Variants in JMJD1C observed in about 807,000 individuals in gnomAD.
The protein encoded by JMJD1C is jumonji domain-containing protein 1C.
A neutral mutation model predicts 245.3 loss-of-function variants in JMJD1C; 31 were observed. That is an observed-to-expected ratio of 0.13 (90% CI 0.09 to 0.17). The LOEUF (loss-of-function observed/expected upper bound fraction) is 0.17, where lower values mean the gene tolerates loss of function less well. Ranked by LOEUF, JMJD1C falls within the 10% of genes least tolerant of loss-of-function variation. JMJD1C has a pLI of 1.00. For missense variants in JMJD1C, 2,691 were observed against 3,000.2 expected (o/e 0.90, Z 2.41); for synonymous variants, 1,057 against 1,017.4 (o/e 1.04, Z -0.74).
rs777467757 is a variant in JMJD1C at position 63,189,458 on chromosome 10, A to C, written c.6292-12T>G. 6.4e-7 allele frequency: 1 copy of C among 1,574,232 alleles called. No individual in the cohort carries two copies. The highest frequency in any genetic ancestry group is 1.2e-5 in the South Asian group (1 of 84,560). ...CCACTTTTGCTACTCTATTAAGGAA[A>C]AAACAAAACAAAAAAAACCTGTTTT... On this transcript the variant is annotated splice_polypyrimidine_tract_variant and intron_variant, in intron 17 of 25. Coordinates refer to ENST00000399262, the MANE Select transcript of JMJD1C (RefSeq NM_032776.3).
chr10:63,339,980 A>G (rs1238448024), intron 2 of JMJD1C, among the ~76,000 whole-genome samples: 1 of 152,138 alleles, frequency 6.6e-6, no homozygotes, highest in Non-Finnish European at 1.5e-5. Flanking sequence ...GAAATGCTTG[A>G]ACCCAGGAGG....
intron 1 of JMJD1C, among the ~76,000 whole-genome samples, chr10:63,400,395 A>G (rs756015855): frequency 6.6e-6 from 1 of 152,066 alleles, no homozygotes; most frequent in Non-Finnish European, 1.5e-5. Flanking sequence ...AGTCTCACCA[A>G]TTGGGTGTGT....
intron 2 of JMJD1C, among the ~76,000 whole-genome samples, chr10:63,327,750 C>T (rs1178184281): frequency 2.6e-5 from 4 of 151,912 alleles, no homozygotes; most frequent in Non-Finnish European, 1.5e-5. Context: ...CTCACTGCAA[C>T]CTCCACCTCC....
In JMJD1C at chr10:63,378,888, A is replaced by C. The variant is rs185979349; in HGVS notation, c.333+1430T>G. On this transcript the variant is annotated intron_variant, in intron 2 of 25. Transcript: ENST00000399262. ...CATTAAATATTTTTTAAAACCTACT[A>C]TGGATAAAATTATCTTCTTTAGTTT... Among the ~76,000 whole-genome samples, 689 of 152,230 alleles carry C rather than the reference A, an allele frequency of 4.5e-3. 2 individuals carry two copies. The highest frequency in any genetic ancestry group is 6.7e-3 in the Non-Finnish European group (456 of 68,002).
At chr10:63,209,962 TTTG>T (rs1382898537) in intron 8 of JMJD1C, among the ~76,000 whole-genome samples, 1 of 152,216 alleles carries the variant, frequency 6.6e-6, no homozygotes, top group Non-Finnish European at 1.5e-5. Flanking sequence ...GTTTTATGAA[TTTG>T]TTAATAGGAT....
At chr10:63,212,539 G>A (rs1187423941) in intron 8 of JMJD1C, among the ~76,000 whole-genome samples, 1 of 152,096 alleles carries the variant, frequency 6.6e-6, no homozygotes, top group Non-Finnish European at 1.5e-5. Context: ...GAATGAACAA[G>A]AGCCTTATAC....
At position 63,404,759 on chromosome 10, in the gene JMJD1C, A is replaced by T. The variant is rs555219326; in HGVS notation, c.169-24277T>A. The stretch of plus-strand genomic sequence containing the variant: ...AGCCAAGGGTGACAACATAGTAATT[A>T]GGGAAGGAGGATAAAGAGAAGCAAT... On this transcript the variant is annotated intron_variant, in intron 1 of 25. Coordinates refer to ENST00000399262, the MANE Select transcript of JMJD1C (RefSeq NM_032776.3). 1.1e-4 allele frequency among the ~76,000 whole-genome samples: 17 copies of T among 152,350 alleles called. No individual in the cohort carries two copies. The South Asian group carries it at 3.3e-3, about 30-fold the overall frequency.
intron 2 of JMJD1C, among the ~76,000 whole-genome samples, chr10:63,280,948 CT>C (rs1857303916): frequency 6.6e-6 from 1 of 151,552 alleles, no homozygotes; most frequent in African/African-American, 2.4e-5. Context: ...CCATGGGATC[CT>C]TTACCTCTTT....
At chr10:63,519,763 G>C (rs1202592199) in intron 1 of JMJD1C, among the ~76,000 whole-genome samples, 2 of 152,208 alleles carry the variant, frequency 1.3e-5, no homozygotes, top group Non-Finnish European at 2.9e-5. Flanking sequence ...CACTGAGCAT[G>C]AAAATACAGG....
At chr10:63,440,347 A>AT (rs1397389630) in intron 1 of JMJD1C, among the ~76,000 whole-genome samples, 5 of 70,244 alleles carry the variant, frequency 7.1e-5, no homozygotes, top group South Asian at 5.3e-4. Context: ...AAAGAAAAAA[A>AT]AAAAAAATAT....
At chr10:63,252,774 C>T (rs977497859) in intron 3 of JMJD1C, among the ~76,000 whole-genome samples, 1 of 152,174 alleles carries the variant, frequency 6.6e-6, no homozygotes, top group East Asian at 1.9e-4. Context: ...TCAGCTGATT[C>T]TATACTACAA....
intron 8 of JMJD1C, 65 bp from the exon 9 acceptor site, chr10:63,209,300 G>T: frequency 7.3e-7 from 1 of 1,364,134 alleles, no homozygotes; most frequent in Non-Finnish European, 9.9e-7. Flanking sequence ...TAAACACCGT[G>T]TCACAGTAGA....
chr10:63,272,817 T>C (rs1182200591), intron 2 of JMJD1C, among the ~76,000 whole-genome samples: 1 of 152,206 alleles, frequency 6.6e-6, no homozygotes, highest in Non-Finnish European at 1.5e-5. Context: ...ATTTATCTCA[T>C]AATCTTGCAT....
intron 2 of JMJD1C, among the ~76,000 whole-genome samples, chr10:63,316,888 T>G (rs745317770): frequency 6.6e-6 from 1 of 151,910 alleles, no homozygotes; most frequent in Non-Finnish European, 1.5e-5. Flanking sequence ...GGAGTCTTGC[T>G]CTGTTGCCCA....
intron 1 of JMJD1C, among the ~76,000 whole-genome samples, chr10:63,497,809 G>A (rs1328364522): frequency 6.6e-6 from 1 of 152,166 alleles, no homozygotes; most frequent in African/African-American, 2.4e-5. Flanking sequence ...AAGTACCTGG[G>A]AAAGTGGAGG....
At chr10:63,345,797 T>C (rs547324841) in intron 2 of JMJD1C, among the ~76,000 whole-genome samples, 2 of 152,128 alleles carry the variant, frequency 1.3e-5, no homozygotes, top group African/African-American at 4.8e-5. Context: ...GTAAAATAAA[T>C]GAATTTTAGT....
At chr10:63,422,969 C>CT (rs1169825262) in intron 1 of JMJD1C, among the ~76,000 whole-genome samples, 166 of 138,814 alleles carry the variant, frequency 1.2e-3, no homozygotes, top group East Asian at 4.0e-3. Flanking sequence ...TTTTTTTTTT[C>CT]TTTTTTTTTT....
At chr10:63,364,045 C>T (rs781658620) in intron 2 of JMJD1C, among the ~76,000 whole-genome samples, 3 of 151,650 alleles carry the variant, frequency 2.0e-5, no homozygotes, top group Non-Finnish European at 4.4e-5. Context: ...TTTTTTTTTA[C>T]GTAGAGACTG....
chr10:63,229,237 A>G (rs2133373114), intron 3 of JMJD1C, among the ~76,000 whole-genome samples: 1 of 152,298 alleles, frequency 6.6e-6, no homozygotes. Flanking sequence ...GTCTCCGTAT[A>G]CAAAATTTCA....
Sources: allele counts gnomAD v4.1 joint callset (sites outside exome capture counted in the v4.1 genomes callset), GRCh38; gene constraint gnomAD v4.1.1; transcripts MANE v1.5; gene names NCBI Gene and HGNC (gene_info 2026-07-23, HGNC 2026-07-21).